Variants in CADPS observed in about 807,000 individuals in gnomAD.
The protein encoded by CADPS is calcium-dependent secretion activator 1.
In CADPS, 57 loss-of-function variants were observed where a neutral mutation model predicts 167.3. The observed-to-expected ratio is 0.34, with a 90% CI of 0.28 to 0.42. CADPS has a LOEUF of 0.42. Among genes scored for constraint, CADPS ranks in the 20% least tolerant of loss-of-function variants. CADPS has a pLI of 1.00. For synonymous variants in CADPS, 676 were observed against 635.3 expected (o/e 1.06, Z -0.96); for missense variants, 1,414 against 1,738.1 (o/e 0.81, Z 3.32).
chr3:62,462,089 G>A (rs1045950018), intron 26 of CADPS, among the ~76,000 whole-genome samples: 3 of 152,232 alleles, frequency 2.0e-5, no homozygotes, highest in Admixed American at 6.5e-5. Context: ...AAAGAACAGC[G>A]AGTGGCTACC....
intron 17 of CADPS, among the ~76,000 whole-genome samples, chr3:62,505,029 A>G (rs956583139): frequency 6.6e-6 from 1 of 152,206 alleles, no homozygotes; most frequent in Non-Finnish European, 1.5e-5. Context: ...TGTATTATGC[A>G]ATTACAGAAA....
intron 3 of CADPS, among the ~76,000 whole-genome samples, chr3:62,691,625 T>C (rs1357158379): frequency 2.0e-5 from 3 of 152,088 alleles, no homozygotes; most frequent in South Asian, 4.1e-4. Flanking sequence ...TCATGTCATT[T>C]GCAGGGACAT....
chr3:62,538,160 G>C (rs2075071987), intron 11 of CADPS, among the ~76,000 whole-genome samples: 2 of 152,118 alleles, frequency 1.3e-5, no homozygotes, highest in Admixed American at 6.6e-5. Flanking sequence ...TTATCCTCAG[G>C]AAAGTGCTTT....
intron 11 of CADPS, among the ~76,000 whole-genome samples, chr3:62,538,661 C>T (rs2075174806): frequency 6.6e-6 from 1 of 152,132 alleles, no homozygotes; most frequent in South Asian, 2.1e-4. Flanking sequence ...GCCAGTTTGG[C>T]TTGGCTATTT....
chr3:62,776,215 T>C (rs1254788362), intron 1 of CADPS, among the ~76,000 whole-genome samples: 1 of 152,108 alleles, frequency 6.6e-6, no homozygotes, highest in Non-Finnish European at 1.5e-5. Context: ...GGTATAGTCT[T>C]GGAGAATATA....
chr3:62,530,201 GAACT>G (rs1229753944), intron 13 of CADPS, among the ~76,000 whole-genome samples: 2 of 152,090 alleles, frequency 1.3e-5, no homozygotes, highest in African/African-American at 2.4e-5. Flanking sequence ...GATGAATGTA[GAACT>G]AATAGGTATT....
chr3:62,399,710 C>CAAATAAAA lies in CADPS; in HGVS notation c.3883-133_3883-126dup, dbSNP rs1705187757. 1.5e-6 allele frequency: 1 copy of CAAATAAAA among 667,146 alleles called. No individual in the cohort carries two copies. The highest frequency in any genetic ancestry group is 2.5e-6 in the Non-Finnish European group (1 of 396,276). 41.3% of individuals were successfully genotyped at this position (667,146 alleles called of 1,614,324 possible). ...CTAAATATCACACTTTATGCATTGTCAAATAAAAAGCCACTGTGCTTAGAT... is the reference window on the plus strand; with the variant it reads ...CTAAATATCACACTTTATGCATTGTCAAATAAAAAAATAAAAAGCCACTGTGCTTAGAT... On this transcript the variant is annotated intron_variant, in intron 29 of 29. Transcript: ENST00000383710. This position sits in a 1 kb window ranked among gnomAD's most constrained non-coding sequence, Gnocchi z 5.6.
intron 29 of CADPS, 114 bp downstream of exon 29, chr3:62,402,967 A>G: frequency 1.7e-6 from 1 of 582,484 alleles, no homozygotes; most frequent in East Asian, 3.0e-5. Context: ...CTTGTATGAG[A>G]TACTATTTTA....
chr3:62,649,730 T>G (rs1033064193), intron 5 of CADPS, among the ~76,000 whole-genome samples: 4 of 151,578 alleles, frequency 2.6e-5, no homozygotes, highest in African/African-American at 9.7e-5. Flanking sequence ...AAAAAATTTT[T>G]TTTTTGTAGA....
chr3:62,421,412 C>CT lies in CADPS; in HGVS notation c.3777+16691dup, dbSNP rs2051359675. Among the ~76,000 whole-genome samples, 1 of 152,338 alleles carries CT rather than the reference C, an allele frequency of 6.6e-6. No homozygotes were observed. Among genetic ancestry groups the CT allele is most frequent in the East Asian group, 1.9e-4 (1 of 5,172 alleles). On this transcript the variant is annotated intron_variant, in intron 28 of 29. Transcript: ENST00000383710. The surrounding 1 kb of genome is among the most constrained non-coding windows in gnomAD (Gnocchi z 4.7). Reference sequence around the variant, plus strand: ...AGTGTCTTTTGGGACCAATTTGTCTCTTTTCACTCTTTATTCTTCCCTTTT... The same window carrying CT: ...AGTGTCTTTTGGGACCAATTTGTCTCTTTTTCACTCTTTATTCTTCCCTTTT...
intron 2 of CADPS, among the ~76,000 whole-genome samples, chr3:62,756,327 A>G (rs1000789133): frequency 6.6e-6 from 1 of 152,202 alleles, no homozygotes; most frequent in African/African-American, 2.4e-5. Flanking sequence ...TGGGCTTCCC[A>G]AAGAGTTGGG....
intron 6 of CADPS, among the ~76,000 whole-genome samples, chr3:62,637,300 C>T (rs1455500306): frequency 6.6e-6 from 1 of 152,182 alleles, no homozygotes; most frequent in African/African-American, 2.4e-5. Flanking sequence ...CTCCATCTGA[C>T]TCTTAGCCAT....
At chr3:62,634,939 A>G (rs550088333) in intron 6 of CADPS, among the ~76,000 whole-genome samples, 3 of 152,304 alleles carry the variant, frequency 2.0e-5, no homozygotes, top group South Asian at 4.1e-4. Context: ...AGTCTGGCCA[A>G]TAGCATCTTA....
chr3:62,510,395 G>C (rs564280387), intron 17 of CADPS, among the ~76,000 whole-genome samples: 26 of 152,138 alleles, frequency 1.7e-4, no homozygotes, highest in African/African-American at 6.3e-4. Context: ...ATTTAGCCAA[G>C]AACTGAGGCA....
chr3:62,435,048 T>C (rs904815372), intron 28 of CADPS, among the ~76,000 whole-genome samples: 29 of 152,292 alleles, frequency 1.9e-4, no homozygotes, highest in African/African-American at 6.5e-4. Flanking sequence ...CTCGGAGATA[T>C]ATATTTTTTT....
chr3:62,538,396 C>T (rs1336294686), intron 11 of CADPS, among the ~76,000 whole-genome samples: 1 of 152,078 alleles, frequency 6.6e-6, no homozygotes, highest in Non-Finnish European at 1.5e-5. Context: ...ATCCAGGTGA[C>T]ATTTCTCTAT....
chr3:62,431,265 T>C (rs1332223629), intron 28 of CADPS, among the ~76,000 whole-genome samples: 6 of 152,218 alleles, frequency 3.9e-5, no homozygotes, highest in Non-Finnish European at 7.3e-5. Context: ...CAAGAAATGC[T>C]GGACTGTGAC....
At chr3:62,611,619 C>G (rs1420779289) in intron 6 of CADPS, among the ~76,000 whole-genome samples, 1 of 152,222 alleles carries the variant, frequency 6.6e-6, no homozygotes, top group Non-Finnish European at 1.5e-5. Flanking sequence ...CTGTCTCTGA[C>G]CTTATCTCCT....
rs1298425235 is a variant in CADPS, at chr3:62,514,515, CA to C, written c.2581+1543del. ...AAAGAATCCCCAGACCTAAAAGTCA[CA>C]GTGCAAAAGATAATTAACACAACCA... On this transcript the variant is annotated intron_variant, in intron 16 of 29. Transcript: ENST00000383710. The surrounding 1 kb of genome is among the most constrained non-coding windows in gnomAD (Gnocchi z 4.2). 1.3e-5 allele frequency among the ~76,000 whole-genome samples: 2 copies of C among 152,070 alleles called. No individual in the cohort carries two copies. The highest frequency in any genetic ancestry group is 4.8e-5 in the African/African-American group (2 of 41,416).
Sources: allele counts gnomAD v4.1 joint callset (sites outside exome capture counted in the v4.1 genomes callset), GRCh38; gene constraint gnomAD v4.1.1; non-coding constraint Gnocchi (gnomAD v3.1); transcripts MANE v1.5; gene names NCBI Gene and HGNC (gene_info 2026-07-23, HGNC 2026-07-21).